RPTOR: variants seen among roughly 807,000 people sequenced by gnomAD.
RPTOR encodes regulatory-associated protein of mTOR.
RPTOR carries 21 observed loss-of-function variants against 169.9 expected under a neutral mutation model. The ratio of observed to expected loss-of-function variants is 0.12; its 90% confidence interval spans 0.09 to 0.18. The LOEUF is 0.18. RPTOR is among the 10% of genes least tolerant of loss of function. The probability of loss-of-function intolerance (pLI) is 1.00; values close to 1 mark genes in which losing one functional copy is unlikely to be tolerated. For missense variants in RPTOR, 1,133 were observed against 1,855.9 expected (o/e 0.61, Z 7.16); for synonymous variants, 732 against 753.2 (o/e 0.97, Z 0.46).
chr17:80,832,934 G>A lies in RPTOR; in HGVS notation c.1137-4988G>A, dbSNP rs192045523. Among the ~76,000 whole-genome samples the A allele has an allele frequency of 2.6e-5, 4 of 152,368 alleles. No individual in the cohort carries two copies. The East Asian group carries it at 5.8e-4, about 22-fold the overall frequency. The stretch of plus-strand genomic sequence containing the variant: ...ACAAACATTGAGGTTAAAACATGAA[G>A]TCATCTGCATTTACACTTTGCTTCA... On this transcript the variant is annotated intron_variant, in intron 9 of 33. Coordinates refer to ENST00000306801, the MANE Select transcript of RPTOR (RefSeq NM_020761.3).
At chr17:80,822,968 C>A in intron 8 of RPTOR, 111 bp from the exon 9 acceptor site, 1 of 1,156,844 alleles carries the variant, frequency 8.6e-7, no homozygotes, top group Non-Finnish European at 1.2e-6. Flanking sequence ...GGGAGATATG[C>A]ATATTAGTCC....
At position 80,857,857 on chromosome 17, in the gene RPTOR, C is replaced by T. The variant is rs1567952367; in HGVS notation, c.1466C>T (p.Pro489Leu). The change falls in exon 13 of 34, where the codon CCA (proline) becomes CTA (leucine). Residue 489 changes from proline to leucine, a missense_variant. This residue lies in a region of RPTOR where 289 missense variants were observed against 585.8 expected (regional missense o/e 0.49). Transcript: ENST00000306801. Reference sequence around the variant, plus strand: ...CAGAGCTCGGCCCGAGAGCTGCGGCCACTTCTCGTTTTCATCTGGGCCAAG... The same window carrying T: ...CAGAGCTCGGCCCGAGAGCTGCGGCTACTTCTCGTTTTCATCTGGGCCAAG... ...LLQSSARELRPLLVFIWAKIL... is the reference protein window; with the variant it reads ...LLQSSARELRLLLVFIWAKIL... 1 of 1,613,414 alleles carries T rather than the reference C, an allele frequency of 6.2e-7. No individual in the cohort carries two copies. Among genetic ancestry groups the T allele is most frequent in the Admixed American group, 1.7e-5 (1 of 60,012 alleles).
chr17:80,846,378 T>C, intron 10 of RPTOR, 95 bp from the exon 11 acceptor site: 1 of 1,286,662 alleles, frequency 7.8e-7, no homozygotes, highest in Non-Finnish European at 1.1e-6. Context: ...GGGCCCTTCG[T>C]GAAGGCTTGG....
intron 2 of RPTOR, among the ~76,000 whole-genome samples, chr17:80,631,961 T>A (rs2065445746): frequency 6.6e-6 from 1 of 151,996 alleles, no homozygotes; most frequent in Non-Finnish European, 1.5e-5. Flanking sequence ...ATTCTTCTCA[T>A]CTAAATCTCA....
At chr17:80,806,597 T>A (rs1242937583) in intron 7 of RPTOR, among the ~76,000 whole-genome samples, 1 of 152,208 alleles carries the variant, frequency 6.6e-6, no homozygotes, top group African/African-American at 2.4e-5. Context: ...CTTATGTTAA[T>A]TGGGGACCTA....
intron 25 of RPTOR, among the ~76,000 whole-genome samples, chr17:80,941,542 G>A (rs1482640797): frequency 2.6e-5 from 4 of 152,188 alleles, no homozygotes; most frequent in Non-Finnish European, 5.9e-5. Context: ...CTGCCCTCGC[G>A]GCCACAGGCT....
At chr17:80,743,611 C>A (rs1195679806) in intron 5 of RPTOR, among the ~76,000 whole-genome samples, 2 of 152,128 alleles carry the variant, frequency 1.3e-5, no homozygotes, top group Non-Finnish European at 2.9e-5. Flanking sequence ...GTAATTTAAA[C>A]CCAGATGCTA....
chr17:80,958,203 C>CA (rs112549506), intron 29 of RPTOR, among the ~76,000 whole-genome samples: 87,122 of 134,330 alleles, frequency 0.65, 27,733 homozygotes, highest in Admixed American at 0.69. Context: ...CCTCACCCCC[C>CA]CCCCCCACCA....
intron 3 of RPTOR, among the ~76,000 whole-genome samples, chr17:80,665,535 CTTT>C (rs1460658965): frequency 7.4e-6 from 1 of 134,366 alleles, no homozygotes; most frequent in Non-Finnish European, 1.6e-5. Context: ...ATGTCCTTTC[CTTT>C]CCTTTTCCTT....
At chr17:80,634,251 T>TGTGTGC (rs1567830336) in intron 2 of RPTOR, among the ~76,000 whole-genome samples, 1 of 131,988 alleles carries the variant, frequency 7.6e-6, no homozygotes, top group African/African-American at 3.8e-5. Flanking sequence ...GTGCATACTG[T>TGTGTGC]ATGCGTGCAT....
intron 3 of RPTOR, among the ~76,000 whole-genome samples, chr17:80,673,117 C>T (rs567793694): frequency 2.6e-5 from 4 of 151,928 alleles, no homozygotes; most frequent in Admixed American, 6.6e-5. Flanking sequence ...AGTAGAGATG[C>T]GGTTTCACCA....
chr17:80,554,787 A>C (rs199686939), intron 1 of RPTOR, among the ~76,000 whole-genome samples: 1,482 of 143,212 alleles, frequency 0.01, 29 homozygotes, highest in African/African-American at 0.032. Context: ...ACAACAACAA[A>C]AAAAATGAGA....
At chr17:80,682,804 T>TA (rs1355738224) in intron 3 of RPTOR, among the ~76,000 whole-genome samples, 105 of 152,028 alleles carry the variant, frequency 6.9e-4, no homozygotes, top group African/African-American at 2.3e-3. Context: ...TTTTTTTTCT[T>TA]AAAAAAAAGA....
intron 1 of RPTOR, among the ~76,000 whole-genome samples, chr17:80,606,398 T>C (rs1211758219): frequency 1.3e-5 from 2 of 151,668 alleles, no homozygotes; most frequent in Admixed American, 1.3e-4. Context: ...TTTTGTTTCT[T>C]TTAGAGATGA....
At chr17:80,865,921 T>C (rs1267881496) in intron 13 of RPTOR, among the ~76,000 whole-genome samples, 1 of 152,160 alleles carries the variant, frequency 6.6e-6, no homozygotes, top group African/African-American at 2.4e-5. Context: ...ACTGAAGCCT[T>C]ACAGGCGTGT....
At chr17:80,816,124 A>C (rs2067320664) in intron 7 of RPTOR, among the ~76,000 whole-genome samples, 2 of 152,270 alleles carry the variant, frequency 1.3e-5, no homozygotes, top group African/African-American at 4.8e-5. Flanking sequence ...GTAGCTAAAA[A>C]GTAATGGAAA....
chr17:80,771,851 G>A (rs535618427), intron 6 of RPTOR, among the ~76,000 whole-genome samples: 11 of 152,288 alleles, frequency 7.2e-5, no homozygotes, highest in African/African-American at 1.9e-4. Context: ...CCGTCTTCTC[G>A]CTCGGGCACC....
chr17:80,946,502 C>T (rs1021582384), intron 26 of RPTOR, among the ~76,000 whole-genome samples: 5 of 152,236 alleles, frequency 3.3e-5, no homozygotes, highest in Non-Finnish European at 7.3e-5. Context: ...CTGCATCCGC[C>T]TGAGCCAGTG....
At chr17:80,567,050 A>C in intron 1 of RPTOR, among the ~76,000 whole-genome samples, 1 of 151,510 alleles carries the variant, frequency 6.6e-6, no homozygotes, top group Non-Finnish European at 1.5e-5. Flanking sequence ...GGCTCACTGC[A>C]ACCTCTGTCT....
Sources: allele counts gnomAD v4.1 joint callset (sites outside exome capture counted in the v4.1 genomes callset), GRCh38; gene constraint gnomAD v4.1.1; regional missense constraint gnomAD v4.1.1; transcripts MANE v1.5; gene names NCBI Gene and HGNC (gene_info 2026-07-23, HGNC 2026-07-21).